QRICH2: variants seen among roughly 807,000 people sequenced by gnomAD.
The protein encoded by QRICH2 is glutamine rich 2.
Under a neutral mutation model 168.3 loss-of-function variants are expected in QRICH2, and 119 were observed. The ratio of observed to expected loss-of-function variants is 0.71; its 90% CI spans 0.61 to 0.82. The LOEUF (loss-of-function observed/expected upper bound fraction) is 0.82. Among genes scored for constraint, QRICH2 ranks in the 40% least tolerant of loss-of-function variants. The probability of loss-of-function intolerance (pLI) is 0.00; values close to 1 mark genes in which losing one functional copy is unlikely to be tolerated. For synonymous variants in QRICH2, 894 were observed against 951.2 expected, an observed-to-expected ratio of 0.94 and a Z score of 1.11; for missense variants, 2,241 against 2,491.6, an observed-to-expected ratio of 0.90 and a Z score of 2.14.
chr17:76,304,274 G>A (rs944953605), intron 3 of QRICH2, 141 bp downstream of exon 3: 3 of 604,374 alleles, frequency 5.0e-6, no homozygotes, highest in Admixed American at 2.9e-5. Flanking sequence ...TCTTAAGATT[G>A]GAAAAAGCAT....
At chr17:76,296,596 G>A (rs1303584197) in intron 3 of QRICH2, among the ~76,000 whole-genome samples, 1 of 152,102 alleles carries the variant, frequency 6.6e-6, no homozygotes, top group Non-Finnish European at 1.5e-5. Flanking sequence ...TGGCCAACAA[G>A]GCGAAACCCC....
Position 76,293,944 on chromosome 17 carries a change from T to C in QRICH2, c.783A>G (p.Gly261=), listed in dbSNP as rs1397274924. 1.9e-6 allele frequency: 3 copies of C among 1,614,144 alleles called. No individual in the cohort carries two copies. The highest frequency in any genetic ancestry group is 2.5e-6 in the Non-Finnish European group (3 of 1,180,030). ...SLTSPEGTLS[G]DSTKQPSIEQ... is the part of the protein sequence containing the mutation. Reference sequence around the variant, plus strand: ...CAATACTTGGTTGCTTGGTAGAGTCTCCGCTTAGAGTCCCTTCAGGTGATG... The same window carrying C: ...CAATACTTGGTTGCTTGGTAGAGTCCCCGCTTAGAGTCCCTTCAGGTGATG... Residue 261 remains glycine (G), a synonymous_variant, in exon 4 of 19, where the codon GGA becomes GGG. Coordinates refer to ENST00000680821, the MANE Select transcript of QRICH2 (RefSeq NM_001388453.1).
rs1169251679 is a variant in QRICH2 at position 76,297,870 on chromosome 17, G to GTTTTTTTT, written c.706-3857_706-3850dup. Among the ~76,000 whole-genome samples, 27 of 79,476 alleles carry GTTTTTTTT rather than the reference G, an allele frequency of 3.4e-4. 2 individuals carry two copies. Among genetic ancestry groups the GTTTTTTTT allele is most frequent in the Non-Finnish European group, 4.2e-4 (18 of 43,092 alleles). The allele number at this position is 79,476 out of a possible 152,430, so 52.1% of individuals were successfully genotyped here. On this transcript the variant is annotated intron_variant, in intron 3 of 18. Transcript: ENST00000680821. ...AGTAGCTAGGACTACTTAGGAATCT[G>GTTTTTTTT]TTTTTTTTTTTTTTTTTTTTTTTTT...
At position 76,280,781 on chromosome 17, in the gene QRICH2, G is replaced by A. The variant is rs758539956; in HGVS notation, c.4386+50C>T. On this transcript the variant is annotated intron_variant, in intron 9 of 18. Coordinates refer to ENST00000680821, the MANE Select transcript of QRICH2 (RefSeq NM_001388453.1). The surrounding 1 kb of genome is among the most constrained non-coding windows in gnomAD (Gnocchi z 7.4). ...AAAGAGCCAGCAGCTGCGGGGCTAG[G>A]GCACCACATTGAGCCCCGGCCCCAT... The A allele has an allele frequency of 1.2e-6, 2 of 1,613,980 alleles. No individual in the cohort carries two copies. The highest frequency in any genetic ancestry group is 2.2e-5 in the South Asian group (2 of 91,084).
At chr17:76,279,829 C>T (rs1004223359) in intron 12 of QRICH2, among the ~76,000 whole-genome samples, 7 of 152,236 alleles carry the variant, frequency 4.6e-5, no homozygotes, top group Non-Finnish European at 1.0e-4. Context: ...AGCCTCCCCT[C>T]CTCCCTTTCT....
intron 1 of QRICH2, among the ~76,000 whole-genome samples, chr17:76,305,586 G>A (rs2070978682): frequency 6.6e-6 from 1 of 152,154 alleles, no homozygotes; most frequent in Non-Finnish European, 1.5e-5. Context: ...TGCTGCTGCA[G>A]GGATGGGACC....
At chr17:76,294,946 T>C (rs1233927784) in intron 3 of QRICH2, among the ~76,000 whole-genome samples, 1 of 151,814 alleles carries the variant, frequency 6.6e-6, no homozygotes, top group Non-Finnish European at 1.5e-5. Context: ...AAATATAAAG[T>C]CTGGGTCTGG....
At chr17:76,282,486 G>A (rs888432886) in intron 7 of QRICH2, among the ~76,000 whole-genome samples, 19 of 152,178 alleles carry the variant, frequency 1.2e-4, no homozygotes, top group South Asian at 2.1e-4. Context: ...CACAGGCCCC[G>A]CCCCAGGCTC....
At position 76,307,295 on chromosome 17, in the gene QRICH2, C is replaced by A. The variant is rs942739675; in HGVS notation, c.534+170G>T. ...CAGCCCCGTGGACTGCAAGGTAGAG[C>A]ATGGGCCACTCTATTTAGCCAGTCG... is the stretch of plus-strand genomic sequence containing the variant. On this transcript the variant is annotated intron_variant, in intron 1 of 18. Transcript: ENST00000680821. This position sits in a 1 kb window ranked among gnomAD's most constrained non-coding sequence, Gnocchi z 5.3. 3.3e-5 allele frequency among the ~76,000 whole-genome samples: 5 copies of A among 152,082 alleles called. No individual in the cohort carries two copies. The highest frequency in any genetic ancestry group is 1.2e-4 in the African/African-American group (5 of 41,434).
intron 7 of QRICH2, 128 bp downstream of exon 7, chr17:76,287,063 CA>C: frequency 4.0e-6 from 1 of 247,968 alleles, no homozygotes; most frequent in Non-Finnish European, 7.1e-6. Context: ...CACACACACA[CA>C]CACACACACA....
At chr17:76,296,799 T>A (rs8078356) in intron 3 of QRICH2, among the ~76,000 whole-genome samples, 4,734 of 112,828 alleles carry the variant, frequency 0.042, 287 homozygotes, top group African/African-American at 0.14. Flanking sequence ...AAAAAAAAAA[T>A]AACCAGAAAG....
rs752827471 is a variant in QRICH2 at position 76,293,627 on chromosome 17, G to A, written c.1100C>T (p.Pro367Leu). ...ACTACTGGGCTGGTCTCTGGCCAAG[G>A]GTAAGTCCTGTTGAACTGGACCAGG... The part of the protein sequence containing the change: ...ARPGPVQQDL[P>L]LARDQPSSVP... Residue 367 changes from proline to leucine, a missense_variant, in exon 4 of 19, where the codon CCC (proline) becomes CTC (leucine). Transcript: ENST00000680821. The A allele has an allele frequency of 6.2e-7, 1 of 1,614,170 alleles. No individual in the cohort carries two copies. The highest frequency in any genetic ancestry group is 2.2e-5 in the East Asian group (1 of 44,878).
Position 76,291,826 on chromosome 17 carries a change from A to G in QRICH2, c.2901T>C (p.Asp967=). 1.2e-6 allele frequency: 2 copies of G among 1,614,092 alleles called. No homozygotes were observed. The highest frequency in any genetic ancestry group is 2.2e-5 in the South Asian group (2 of 91,080). The change falls in exon 4 of 19, where the codon GAT becomes GAC. Residue 967 remains aspartate (D), a synonymous_variant. Transcript: ENST00000680821. ...CACCAGGTTGTCTCAAACCATACTG[A>G]TCCATTCCTGGCTGCACCAGACCAC... ...YPRGLVQPGM[D]QYGLRQPGAY...
chr17:76,287,781 C>T lies in QRICH2; in HGVS notation c.3896+19G>A, dbSNP rs1317261655. On this transcript the variant is annotated intron_variant, in intron 6 of 18. Transcript: ENST00000680821. ...TCGTGATGCCAGGGGACCAGCTGCT[C>T]TTAGCTGGGGCATTTTACCTGAGGA... 5.0e-6 allele frequency: 8 copies of T among 1,585,262 alleles called. No homozygotes were observed. Among genetic ancestry groups the T allele is most frequent in the Non-Finnish European group, 5.2e-6 (6 of 1,153,914 alleles).
At chr17:76,279,931 G>A (rs921606778) in intron 12 of QRICH2, 102 bp downstream of exon 12, 150 of 1,369,026 alleles carry the variant, frequency 1.1e-4, no homozygotes, top group South Asian at 4.1e-4. Flanking sequence ...GGCAGGATCC[G>A]CTGTGTGCTG....
At chr17:76,296,927 A>G (rs1393481506) in intron 3 of QRICH2, among the ~76,000 whole-genome samples, 3 of 152,208 alleles carry the variant, frequency 2.0e-5, no homozygotes, top group African/African-American at 7.2e-5. Context: ...GATTGGGGAA[A>G]GAACCACCTG....
upstream of QRICH2, chr17:76,308,294 GC>G (rs1188984393): frequency 1.0e-6 from 1 of 985,294 alleles, no homozygotes; most frequent in Non-Finnish European, 1.2e-6. Flanking sequence ...GGGGGCCCCC[GC>G]GTGCCCTGAA....
chr17:76,297,870 G>GTTTTTT (rs1169251679), intron 3 of QRICH2, among the ~76,000 whole-genome samples: 3 of 79,476 alleles, frequency 3.8e-5, no homozygotes, highest in Non-Finnish European at 7.0e-5. Flanking sequence ...TTAGGAATCT[G>GTTTTTT]TTTTTTTTTT....
chr17:76,277,856 C>G, intron 15 of QRICH2, 133 bp downstream of exon 15: 1 of 969,814 alleles, frequency 1.0e-6, no homozygotes, highest in Non-Finnish European at 1.6e-6. Context: ...CTCGCCCACA[C>G]TTTCTCTCAC....
Sources: gnomAD v4.1 joint callset for allele counts (sites outside exome capture counted in the v4.1 genomes callset) on GRCh38, gnomAD v4.1.1 for gene constraint, Gnocchi (gnomAD v3.1) non-coding constraint, MANE v1.5 for transcripts, NCBI Gene and HGNC (gene_info 2026-07-23, HGNC 2026-07-21) for gene names.